The following RUNX1 variants were observed in gnomAD, a reference collection of about 807,000 sequenced individuals.
RUNX1 encodes RUNX family transcription factor 1.
A neutral mutation model predicts 42.8 loss-of-function variants in RUNX1; 19 were observed. The observed-to-expected ratio is 0.44, with a 90% confidence interval of 0.31 to 0.65. RUNX1 has a LOEUF of 0.65. Ranked by LOEUF, RUNX1 falls within the 30% of genes least tolerant of loss-of-function variation. The probability of loss-of-function intolerance (pLI) is 0.07; values close to 1 mark genes in which losing one functional copy is unlikely to be tolerated. For synonymous variants in RUNX1, 271 were observed against 289.4 expected, an observed-to-expected ratio of 0.94 and a Z score of 0.64; for missense variants, 528 against 672.0, an observed-to-expected ratio of 0.79 and a Z score of 2.37.
At chr21:34,884,605 G>A (rs756769113) in intron 4 of RUNX1, among the ~76,000 whole-genome samples, 60 of 152,212 alleles carry the variant, frequency 3.9e-4, no homozygotes, top group Non-Finnish European at 7.1e-4. Context: ...CCGGGATGTA[G>A]GCAGGTTTTG....
At chr21:35,023,332 C>G (rs1027926140) in intron 2 of RUNX1, among the ~76,000 whole-genome samples, 1 of 152,186 alleles carries the variant, frequency 6.6e-6, no homozygotes, top group Admixed American at 6.5e-5. Context: ...AATTAACAAT[C>G]AAGTCTTGTG....
chr21:35,016,916 A>T lies in RUNX1; in HGVS notation c.58+31926T>A, dbSNP rs1796882747. ...GTGTGTGTGTGTGTAGCTGATACAG[A>T]GTAGCCAAGGCCTAGGGGTGGGTGG... On this transcript the variant is annotated intron_variant, in intron 2 of 8. Transcript: ENST00000675419. 2.0e-5 allele frequency among the ~76,000 whole-genome samples: 3 copies of T among 151,942 alleles called. No homozygotes were observed. In the South Asian group the frequency reaches 6.3e-4, roughly 32 times the overall value.
chr21:34,830,153 A>G (rs2057043088), intron 7 of RUNX1, among the ~76,000 whole-genome samples: 1 of 152,234 alleles, frequency 6.6e-6, no homozygotes, highest in African/African-American at 2.4e-5. Flanking sequence ...TGGAACACTC[A>G]AAGTGAGGCA....
chr21:34,891,208 C>T (rs1192568185), intron 3 of RUNX1, among the ~76,000 whole-genome samples: 1 of 152,190 alleles, frequency 6.6e-6, no homozygotes, highest in African/African-American at 2.4e-5. Flanking sequence ...TTGCATGCAC[C>T]GAGTTTAGCC....
intron 5 of RUNX1, among the ~76,000 whole-genome samples, chr21:34,872,232 G>A (rs1466273474): frequency 6.6e-6 from 1 of 152,238 alleles, no homozygotes; most frequent in African/African-American, 2.4e-5. Flanking sequence ...CTCTGCTGAA[G>A]TATTCAGGGA....
In RUNX1 at chr21:34,792,267, G is replaced by C. The variant is rs1555884827; in HGVS notation, c.1311C>G (p.Thr437=). The change falls in exon 9 of 9, where the codon ACC becomes ACG. Residue 437 remains threonine (T), a synonymous_variant. Transcript: ENST00000675419. This position sits in a 1 kb window ranked among gnomAD's most constrained non-coding sequence, Gnocchi z 6.9. The part of the protein sequence containing the change: ...RILPPCTNAS[T]GSALLNPSLP... ...GGCTGGGGTTGAGCAGCGCGGAGCC[G>C]GTGGAGGCGTTGGTGCAGGGCGGCA... The C allele has an allele frequency of 7.8e-6, 12 of 1,539,444 alleles. No individual in the cohort carries two copies. Among genetic ancestry groups the C allele is most frequent in the Non-Finnish European group, 8.7e-6 (10 of 1,146,360 alleles).
chr21:34,906,585 T>C (rs1269071198), intron 2 of RUNX1, among the ~76,000 whole-genome samples: 1 of 152,214 alleles, frequency 6.6e-6, no homozygotes, highest in African/African-American at 2.4e-5. Context: ...CACATAGAGA[T>C]GGAGCAGTGA....
intron 2 of RUNX1, among the ~76,000 whole-genome samples, chr21:35,028,640 C>T (rs897158897): frequency 3.3e-5 from 5 of 152,224 alleles, no homozygotes; most frequent in Admixed American, 2.0e-4. Context: ...CTGAATATTT[C>T]TCATGCTTAG....
chr21:34,824,566 T>A (rs913515302), intron 7 of RUNX1, among the ~76,000 whole-genome samples: 2 of 152,206 alleles, frequency 1.3e-5, no homozygotes, highest in Admixed American at 6.5e-5. Flanking sequence ...GCTATTCTAC[T>A]GCTTTGAAGG....
intron 2 of RUNX1, among the ~76,000 whole-genome samples, chr21:35,028,059 C>T (rs901345543): frequency 1.3e-5 from 2 of 152,218 alleles, no homozygotes; most frequent in African/African-American, 4.8e-5. Context: ...CCTCCAGAGG[C>T]AGTGCCAGTT....
intron 2 of RUNX1, among the ~76,000 whole-genome samples, chr21:34,939,786 G>T (rs1227720876): frequency 6.6e-6 from 1 of 152,194 alleles, no homozygotes; most frequent in Non-Finnish European, 1.5e-5. Context: ...TATAAGAGTG[G>T]TTTGGAAAGT....
intron 2 of RUNX1, among the ~76,000 whole-genome samples, chr21:35,019,667 C>G (rs1432807370): frequency 6.6e-6 from 1 of 152,184 alleles, no homozygotes. Context: ...CCACACCCCC[C>G]AGAAAGCTGA....
chr21:34,994,983 C>G (rs778706607), intron 2 of RUNX1, among the ~76,000 whole-genome samples: 1 of 152,214 alleles, frequency 6.6e-6, no homozygotes. Flanking sequence ...CAGACAGGCC[C>G]GTGAACAGGG....
At chr21:34,995,402 C>T (rs1490996644) in intron 2 of RUNX1, among the ~76,000 whole-genome samples, 2 of 148,500 alleles carry the variant, frequency 1.3e-5, no homozygotes, top group Non-Finnish European at 3.0e-5. Context: ...GAGACTTGAC[C>T]TCTTTGAAAT....
At chr21:34,867,632 A>T (rs184896198) in intron 5 of RUNX1, among the ~76,000 whole-genome samples, 30 of 152,282 alleles carry the variant, frequency 2.0e-4, no homozygotes, top group African/African-American at 7.0e-4. Flanking sequence ...AATATCACCT[A>T]TCCCACAAAA....
intron 5 of RUNX1, among the ~76,000 whole-genome samples, chr21:34,874,840 T>G (rs1256723939): frequency 6.6e-6 from 1 of 152,126 alleles, no homozygotes; most frequent in Non-Finnish European, 1.5e-5. Flanking sequence ...TCACTGTTTA[T>G]GTCTATAATG....
chr21:34,918,480 T>C (rs1448316255), intron 2 of RUNX1, among the ~76,000 whole-genome samples: 1 of 152,250 alleles, frequency 6.6e-6, no homozygotes, highest in Admixed American at 6.5e-5. Context: ...ATTTTAGTTT[T>C]AAAATTTGCT....
Position 34,843,219 on chromosome 21 carries a change from G to C in RUNX1, c.614-8618C>G, listed in dbSNP as rs1263042493. Among the ~76,000 whole-genome samples the C allele has an allele frequency of 6.6e-6, 1 of 151,648 alleles. No homozygotes were observed. Among genetic ancestry groups the C allele is most frequent in the African/African-American group, 2.4e-5 (1 of 41,234 alleles). On this transcript the variant is annotated intron_variant, in intron 6 of 8. Transcript: ENST00000675419. The surrounding 1 kb of genome is among the most constrained non-coding windows in gnomAD (Gnocchi z 4.8). The stretch of plus-strand genomic sequence containing the variant: ...ACACAGACACCTGGACACACACACA[G>C]ATATAAAACACACATGGGGATACAC...
chr21:34,792,040 C>A lies in RUNX1; in HGVS notation c.*95G>T. The stretch of plus-strand genomic sequence containing the variant: ...CCAGGACGGTGGCCGGGCCCAGGGC[C>A]CGGGATCCCGGCGGGCTTGTCGCGA... On this transcript the variant is annotated 3_prime_UTR_variant, in exon 9 of 9. Transcript: ENST00000675419. The surrounding 1 kb of genome is among the most constrained non-coding windows in gnomAD (Gnocchi z 6.9). 1 of 815,524 alleles carries A rather than the reference C, an allele frequency of 1.2e-6. No individual in the cohort carries two copies. Among genetic ancestry groups the A allele is most frequent in the South Asian group, 2.0e-5 (1 of 50,374 alleles). 50.5% of individuals were successfully genotyped at this position (815,524 alleles called of 1,614,324 possible).
Sources: allele counts gnomAD v4.1 joint callset (sites outside exome capture counted in the v4.1 genomes callset), GRCh38; gene constraint gnomAD v4.1.1; non-coding constraint Gnocchi (gnomAD v3.1); transcripts MANE v1.5; gene names NCBI Gene and HGNC (gene_info 2026-07-23, HGNC 2026-07-21).